Variants in GALNT8 observed in about 807,000 individuals in gnomAD.
The protein encoded by GALNT8 is polypeptide N-acetylgalactosaminyltransferase 8, also known as probable polypeptide N-acetylgalactosaminyltransferase 8.
In GALNT8, 66 loss-of-function variants were observed where a neutral mutation model predicts 62.7. That is an observed-to-expected ratio of 1.05 (90% CI 0.86 to 1.29). The LOEUF is 1.29. GALNT8 is among the 50% of genes most tolerant of loss of function. The pLI is 0.00. For synonymous variants in GALNT8, 288 were observed against 294.3 expected, an observed-to-expected ratio of 0.98 and a Z score of 0.22; for missense variants, 771 against 791.8, an observed-to-expected ratio of 0.97 and a Z score of 0.32.
intron 1 of GALNT8, among the ~76,000 whole-genome samples, chr12:4,725,620 A>G (rs1349782613): frequency 4.0e-5 from 6 of 150,168 alleles, no homozygotes; most frequent in Admixed American, 6.6e-5. Context: ...CAGTGGCACA[A>G]TCTCGGCTCA....
At chr12:4,745,721 G>T in intron 5 of GALNT8, 95 bp downstream of exon 5, 1 of 926,312 alleles carries the variant, frequency 1.1e-6, no homozygotes, top group Non-Finnish European at 1.7e-6. Context: ...AGTAATTGGG[G>T]TGACGTGGAA....
intron 6 of GALNT8, among the ~76,000 whole-genome samples, chr12:4,756,246 T>G (rs1351901255): frequency 6.6e-6 from 1 of 152,178 alleles, no homozygotes. Flanking sequence ...GTTCATCTTT[T>G]TTCATCTTCC....
Position 4,765,418 on chromosome 12 carries a change from C to G in GALNT8, c.1633C>G (p.Gln545Glu). 1 of 1,508,718 alleles carries G rather than the reference C, an allele frequency of 6.6e-7. No homozygotes were observed. The highest frequency in any genetic ancestry group is 9.1e-7 in the Non-Finnish European group (1 of 1,101,724). The allele number at this position is 1,508,718 out of a possible 1,614,324, so 93.5% of individuals were successfully genotyped here. ...YHLTGELYVG[Q>E]LIAEASASDR... is the part of the protein sequence containing the mutation. ...CCTAACTGGGGAGCTCTATGTGGGA[C>G]AACTGATTGCAGAGGCCAGTGCTAG... is the stretch of plus-strand genomic sequence containing the variant. The change falls in exon 10 of 11, where the codon CAA becomes GAA. Residue 545 changes from glutamine to glutamate, a missense_variant. Physicochemically the swap from Gln to Glu is conservative, Grantham distance 29 (BLOSUM62 2). Coordinates refer to ENST00000252318, the MANE Select transcript of GALNT8 (RefSeq NM_017417.2).
Position 4,739,298 on chromosome 12 carries a change from AATC to A in GALNT8, c.649_651del (p.Ile217del). 1.2e-6 allele frequency: 2 copies of A among 1,613,716 alleles called. No homozygotes were observed. Among genetic ancestry groups the A allele is most frequent in the Non-Finnish European group, 1.7e-6 (2 of 1,179,848 alleles). Reference sequence around the variant, plus strand: ...GGACGCCCTCTCGATTGTTGAAGGAAATCATCTTGGTGGATGATTTCAGCTCAA... The same window carrying A: ...GGACGCCCTCTCGATTGTTGAAGGAAATCTTGGTGGATGATTTCAGCTCAA... On this transcript the variant is annotated inframe_deletion, in exon 3 of 11. Transcript: ENST00000252318.
chr12:4,758,944 T>C (rs1946359574), intron 6 of GALNT8, among the ~76,000 whole-genome samples: 1 of 151,810 alleles, frequency 6.6e-6, no homozygotes, highest in Non-Finnish European at 1.5e-5. Flanking sequence ...CCAGGCTAAT[T>C]TTTGTATTTG....
At chr12:4,763,472 C>A in intron 8 of GALNT8, 82 bp downstream of exon 8, 1 of 1,180,588 alleles carries the variant, frequency 8.5e-7, no homozygotes, top group Non-Finnish European at 1.2e-6. Context: ...GATTGCCTGT[C>A]CTGCCCAAGA....
In GALNT8 at chr12:4,761,030, C is replaced by T. The variant is rs1470059724; in HGVS notation, c.1246C>T (p.Pro416Ser). The T allele has an allele frequency of 3.1e-6, 5 of 1,614,020 alleles. No individual in the cohort carries two copies. The highest frequency in any genetic ancestry group is 4.2e-6 in the Non-Finnish European group (5 of 1,179,952). The change falls in exon 7 of 11, where the codon CCC becomes TCC. Residue 416 changes from proline to serine, a missense_variant. Transcript: ENST00000252318. ...RIAHLERHHK[P>S]YALDLTAALK... is the part of the protein sequence containing the mutation. ...TGCCCACCTAGAGAGACACCACAAG[C>T]CCTACGCCTTGGATCTCACCGCTGC...
chr12:4,765,647 C>T (rs1270967216), intron 10 of GALNT8, 101 bp downstream of exon 10: 1 of 814,710 alleles, frequency 1.2e-6, no homozygotes, highest in Non-Finnish European at 1.9e-6. Context: ...AGTGGCTTCT[C>T]AGCTGACTGA....
At chr12:4,751,803 T>G (rs1360350659) in intron 6 of GALNT8, among the ~76,000 whole-genome samples, 1 of 152,178 alleles carries the variant, frequency 6.6e-6, no homozygotes, top group Non-Finnish European at 1.5e-5. Context: ...GATGTTTCTT[T>G]GTTGATTTTC....
intron 10 of GALNT8, among the ~76,000 whole-genome samples, chr12:4,766,789 C>T (rs142443252): frequency 5.9e-5 from 9 of 152,070 alleles, no homozygotes; most frequent in South Asian, 2.1e-4. Context: ...AGGTGCCACA[C>T]GGACAATCTA....
At chr12:4,741,685 A>G (rs1946272951) in intron 3 of GALNT8, among the ~76,000 whole-genome samples, 1 of 152,242 alleles carries the variant, frequency 6.6e-6, no homozygotes, top group African/African-American at 2.4e-5. Context: ...TGCAATAAAA[A>G]AATACAAGAT....
intron 1 of GALNT8, among the ~76,000 whole-genome samples, chr12:4,724,894 C>T (rs1166566218): frequency 3.3e-5 from 5 of 152,216 alleles, no homozygotes; most frequent in African/African-American, 4.8e-5. Context: ...ATCCAGCACA[C>T]ACGTTCTGCT....
intron 10 of GALNT8, among the ~76,000 whole-genome samples, chr12:4,767,456 A>G (rs1946404950): frequency 6.6e-6 from 1 of 152,206 alleles, no homozygotes; most frequent in Non-Finnish European, 1.5e-5. Context: ...TTATGGATAG[A>G]GAAAAGGTGA....
intron 6 of GALNT8, among the ~76,000 whole-genome samples, chr12:4,755,924 TC>T (rs1591572176): frequency 6.6e-6 from 1 of 152,292 alleles, no homozygotes; most frequent in East Asian, 1.9e-4. Flanking sequence ...ACTCTGGGGC[TC>T]AGGCAAATGT....
At chr12:4,733,100 A>G (rs1168864971) in intron 2 of GALNT8, among the ~76,000 whole-genome samples, 2 of 152,208 alleles carry the variant, frequency 1.3e-5, no homozygotes, top group East Asian at 1.9e-4. Context: ...GCAATGTTCA[A>G]TATGATAGCT....
chr12:4,752,061 A>G (rs1427092981), intron 6 of GALNT8, among the ~76,000 whole-genome samples: 1 of 152,116 alleles, frequency 6.6e-6, no homozygotes, highest in East Asian at 1.9e-4. Flanking sequence ...CCTGATATAA[A>G]TATAGCTACT....
intron 6 of GALNT8, among the ~76,000 whole-genome samples, chr12:4,752,534 G>GAA (rs200703013): frequency 2.5e-4 from 35 of 137,592 alleles, no homozygotes; most frequent in Admixed American, 5.1e-4. Flanking sequence ...CCAAACAATT[G>GAA]AAAAAAAAAA....
intron 1 of GALNT8, among the ~76,000 whole-genome samples, chr12:4,725,329 T>C (rs534748619): frequency 3.3e-5 from 5 of 152,288 alleles, no homozygotes; most frequent in African/African-American, 1.2e-4. Context: ...GATGACGTCA[T>C]GGATCCTGGA....
intron 10 of GALNT8, among the ~76,000 whole-genome samples, chr12:4,770,558 A>C (rs765928838): frequency 6.6e-6 from 1 of 152,130 alleles, no homozygotes; most frequent in Non-Finnish European, 1.5e-5. Context: ...TATTGAATAC[A>C]TATTTGCACC....
Sources: gnomAD v4.1 joint callset for allele counts (sites outside exome capture counted in the v4.1 genomes callset) on GRCh38, gnomAD v4.1.1 for gene constraint, MANE v1.5 for transcripts, NCBI Gene and HGNC (gene_info 2026-07-23, HGNC 2026-07-21) for gene names.